Variants in LTBP1 observed in about 807,000 individuals in gnomAD.
LTBP1 encodes the protein latent-transforming growth factor beta-binding protein 1.
LTBP1 carries 129 observed loss-of-function variants against 207.6 expected under a neutral mutation model. That is an observed-to-expected ratio of 0.62 (90% CI 0.54 to 0.72). LTBP1 has a LOEUF of 0.72. Ranked by LOEUF, LTBP1 falls within the 30% of genes least tolerant of loss-of-function variation. The pLI, the probability that LTBP1 is intolerant of heterozygous loss-of-function variation, is 0.00. For synonymous variants in LTBP1, 963 were observed against 833.7 expected (o/e 1.16, Z -2.67); for missense variants, 2,281 against 2,217.2 (o/e 1.03, Z -0.58).
chr2:33,141,790 G>A (rs1369827461), intron 5 of LTBP1, among the ~76,000 whole-genome samples: 1 of 152,174 alleles, frequency 6.6e-6, no homozygotes, highest in Non-Finnish European at 1.5e-5. Context: ...CCCCCAAAAA[G>A]GCTGACATTT....
At position 33,021,182 on chromosome 2, in the gene LTBP1, G is replaced by A. The variant is rs1279340564; in HGVS notation, c.839G>A (p.Gly280Glu). ...ACCCTCAAGCCGAAGCCTTCAGTGG[G>A]ACTCCCCCAGCAGATACATTCTCAG... ...TLTLKPKPSV[G>E]LPQQIHSQVT... is the part of the protein sequence containing the mutation. Residue 280 changes from glycine (G) to glutamate (E), a missense_variant, in exon 3 of 34, where the codon GGA becomes GAA. Gly to Glu is a moderately conservative substitution (Grantham distance 98, BLOSUM62 -2). Coordinates refer to ENST00000404816, the MANE Select transcript of LTBP1 (RefSeq NM_206943.4). The A allele has an allele frequency of 1.2e-6, 2 of 1,604,064 alleles. No individual in the cohort carries two copies. The highest frequency in any genetic ancestry group is 1.7e-5 in the Admixed American group (1 of 59,458).
chr2:33,284,753 C>G (rs1193244565), intron 19 of LTBP1, among the ~76,000 whole-genome samples: 1 of 152,112 alleles, frequency 6.6e-6, no homozygotes, highest in Non-Finnish European at 1.5e-5. Context: ...ATGTAGAGAT[C>G]TTAGTTCCCT....
chr2:32,979,776 A>G (rs867165077), intron 2 of LTBP1, among the ~76,000 whole-genome samples: 17 of 152,066 alleles, frequency 1.1e-4, no homozygotes, highest in African/African-American at 3.6e-4. Context: ...GAAAGTGTGC[A>G]GTGTTAAAGT....
intron 4 of LTBP1, among the ~76,000 whole-genome samples, chr2:33,123,050 CTCTT>C: frequency 6.6e-6 from 1 of 152,082 alleles, no homozygotes; most frequent in Admixed American, 6.6e-5. Flanking sequence ...TTTCCTCACT[CTCTT>C]TATAGCTTTT....
At chr2:33,285,916 A>G (rs2093657729) in intron 19 of LTBP1, 1 of 151,980 alleles carries the variant, frequency 6.6e-6, no homozygotes, top group Admixed American at 6.6e-5. Context: ...GTTCTTACTT[A>G]GCTGGAATAT....
chr2:33,046,216 T>C (rs1241707177), intron 3 of LTBP1, among the ~76,000 whole-genome samples: 2 of 152,118 alleles, frequency 1.3e-5, no homozygotes, highest in Non-Finnish European at 2.9e-5. Flanking sequence ...ATGCTTCCAG[T>C]TTTTGCCCAT....
intron 6 of LTBP1, 82 bp downstream of exon 6, chr2:33,187,162 C>A: frequency 8.2e-7 from 1 of 1,219,226 alleles, no homozygotes; most frequent in East Asian, 2.5e-5. Flanking sequence ...CTGCGGGTGG[C>A]CAGGGCTGGT....
chr2:33,060,517 G>T (rs7605669), intron 3 of LTBP1, among the ~76,000 whole-genome samples: 20,107 of 151,186 alleles, frequency 0.13, 1,544 homozygotes, highest in Middle Eastern at 0.2. Context: ...CATCTTGGGG[G>T]GTGTGTGTGT....
intron 24 of LTBP1, among the ~76,000 whole-genome samples, chr2:33,333,517 A>G (rs1174611406): frequency 6.6e-6 from 1 of 152,198 alleles, no homozygotes; most frequent in African/African-American, 2.4e-5. Flanking sequence ...GATAGAGCCT[A>G]GTGCTAGATT....
At chr2:33,029,542 C>T (rs910499971) in intron 3 of LTBP1, among the ~76,000 whole-genome samples, 2 of 152,244 alleles carry the variant, frequency 1.3e-5, no homozygotes, top group East Asian at 3.9e-4. Flanking sequence ...AAATTAGGGA[C>T]AACTTTCCCT....
intron 11 of LTBP1, among the ~76,000 whole-genome samples, chr2:33,254,610 A>G (rs990052958): frequency 9.6e-5 from 3 of 31,358 alleles, no homozygotes; most frequent in Non-Finnish European, 2.1e-4. Flanking sequence ...TTTTGTTTTT[A>G]TTATACTTTA....
chr2:33,365,819 T>A (rs2150111909), intron 31 of LTBP1, among the ~76,000 whole-genome samples: 1 of 152,326 alleles, frequency 6.6e-6, no homozygotes, highest in South Asian at 2.1e-4. Flanking sequence ...TGGCAGTTCA[T>A]TTTTTACTAC....
chr2:33,327,602 G>A (rs192160366), intron 24 of LTBP1, among the ~76,000 whole-genome samples: 13 of 152,168 alleles, frequency 8.5e-5, no homozygotes, highest in Middle Eastern at 3.4e-3. Flanking sequence ...TTTTGCAGTT[G>A]GAGAAAAATA....
At chr2:33,167,070 TCTA>T (rs1345905330) in intron 5 of LTBP1, among the ~76,000 whole-genome samples, 1 of 152,200 alleles carries the variant, frequency 6.6e-6, no homozygotes. Flanking sequence ...GAGTTTTGTT[TCTA>T]CTAAGAGTCA....
chr2:33,099,060 TA>T (rs753684182), intron 3 of LTBP1, among the ~76,000 whole-genome samples: 34 of 152,358 alleles, frequency 2.2e-4, no homozygotes, highest in Admixed American at 3.9e-4. Context: ...ATAAGCCATA[TA>T]TTTTTTTCTC....
chr2:33,217,180 A>G (rs2149363718), intron 7 of LTBP1, among the ~76,000 whole-genome samples: 1 of 152,314 alleles, frequency 6.6e-6, no homozygotes, highest in Non-Finnish European at 1.5e-5. Context: ...CTGATGGTCC[A>G]CACAAGAGAT....
chr2:33,009,027 A>C (rs1687316453), intron 2 of LTBP1, among the ~76,000 whole-genome samples: 1 of 152,208 alleles, frequency 6.6e-6, no homozygotes, highest in Non-Finnish European at 1.5e-5. Flanking sequence ...TGCAGGCTGT[A>C]AAAATAAGGG....
intron 3 of LTBP1, among the ~76,000 whole-genome samples, chr2:33,104,787 G>T (rs1280790359): frequency 6.6e-6 from 1 of 152,100 alleles, no homozygotes; most frequent in Non-Finnish European, 1.5e-5. Context: ...TCTCCTTAGA[G>T]ATCCACCCTG....
chr2:33,216,501 G>C (rs1362377471), intron 7 of LTBP1, among the ~76,000 whole-genome samples: 4 of 152,110 alleles, frequency 2.6e-5, no homozygotes. Context: ...TCTAGAGTGT[G>C]CCATTTTCAG....
Sources: gnomAD v4.1 joint callset for allele counts (sites outside exome capture counted in the v4.1 genomes callset) on GRCh38, gnomAD v4.1.1 for gene constraint, MANE v1.5 for transcripts, NCBI Gene and HGNC (gene_info 2026-07-23, HGNC 2026-07-21) for gene names.